SMUG1: variants seen among roughly 807,000 people sequenced by gnomAD.
SMUG1 encodes single-strand-selective monofunctional uracil-DNA glycosylase 1.
In SMUG1, 13 loss-of-function variants were observed where a neutral mutation model predicts 23.9. That is an observed-to-expected ratio of 0.54 (90% confidence interval 0.35 to 0.86). SMUG1 has a LOEUF of 0.86. Ranked by LOEUF, SMUG1 falls within the 40% of genes least tolerant of loss-of-function variation. The pLI is 0.01. For missense variants in SMUG1, 313 were observed against 339.5 expected (o/e 0.92, Z 0.61); for synonymous variants, 133 against 139.8 (o/e 0.95, Z 0.34).
intron 1 of SMUG1, among the ~76,000 whole-genome samples, chr12:54,188,295 AAAT>A (rs757369651): frequency 0.067 from 4,618 of 68,734 alleles, 88 homozygotes; most frequent in South Asian, 0.1. Context: ...TAATAATAAT[AAAT>A]AATAATAATA....
At chr12:54,185,328 G>A (rs1942081362) in intron 2 of SMUG1, among the ~76,000 whole-genome samples, 2 of 151,116 alleles carry the variant, frequency 1.3e-5, no homozygotes, top group Non-Finnish European at 3.0e-5. Flanking sequence ...TTAGCTGGGC[G>A]TTGTGGTGGG....
Position 54,181,762 on chromosome 12 carries a change from C to T in SMUG1, c.*334G>A, listed in dbSNP as rs3136392. Reference sequence around the variant, plus strand: ...ACCTTAGAAGTTACTGTCTAGGGCACTCTCAGCTGAATAAAGTCTCCCAAG... The same window carrying T: ...ACCTTAGAAGTTACTGTCTAGGGCATTCTCAGCTGAATAAAGTCTCCCAAG... On this transcript the variant is annotated 3_prime_UTR_variant, in exon 4 of 4. Transcript: ENST00000682136. 9,437 of 1,452,408 alleles carry T rather than the reference C, an allele frequency of 6.5e-3. 539 individuals carry two copies. The African/African-American group carries it at 0.12, about 18-fold the overall frequency. The allele number at this position is 1,452,408 out of a possible 1,614,324, so 90.0% of individuals were successfully genotyped here.
At chr12:54,188,739 C>CGCTGGCTCCG (rs1271129115) in intron 1 of SMUG1, 2 of 152,260 alleles carry the variant, frequency 1.3e-5, no homozygotes, top group Non-Finnish European at 2.9e-5. Flanking sequence ...CGGGGGCGCC[C>CGCTGGCTCCG]GCTGGCTCCG....
chr12:54,183,141 C>G (rs188522214), intron 3 of SMUG1: 1 of 192,814 alleles, frequency 5.2e-6, no homozygotes, highest in East Asian at 1.3e-4. Context: ...CCCCACCTGC[C>G]AAGCACCCCC....
Position 54,181,743 on chromosome 12 carries a change from G to C in SMUG1, c.*353C>G. ...CTCTGAAATAGTAAACGTGACCTTA[G>C]AAGTTACTGTCTAGGGCACTCTCAG... On this transcript the variant is annotated 3_prime_UTR_variant, in exon 4 of 4. Coordinates refer to ENST00000682136, the MANE Select transcript of SMUG1 (RefSeq NM_001243787.2). 6.7e-7 allele frequency: 1 copy of C among 1,501,404 alleles called. No homozygotes were observed. The highest frequency in any genetic ancestry group is 8.9e-7 in the Non-Finnish European group (1 of 1,128,358). 93.0% of individuals were successfully genotyped at this position (1,501,404 alleles called of 1,614,324 possible).
chr12:54,181,799 G>T lies in SMUG1; in HGVS notation c.*297C>A, dbSNP rs1941131406. 4 of 1,431,552 alleles carry T rather than the reference G, an allele frequency of 2.8e-6. No individual in the cohort carries two copies. The highest frequency in any genetic ancestry group is 2.7e-6 in the Non-Finnish European group (3 of 1,098,172). The allele number at this position is 1,431,552 out of a possible 1,614,324, so 88.7% of individuals were successfully genotyped here. A position where few individuals can be genotyped will look rare whatever the true frequency, so the allele number is the denominator to read the frequency against. ...TAAAGTCTCCCAAGGAAACACTGAGGTAGAGCAGTCTGCAAGTGCAAAAGC... is the reference window on the plus strand; with the variant it reads ...TAAAGTCTCCCAAGGAAACACTGAGTTAGAGCAGTCTGCAAGTGCAAAAGC... On this transcript the variant is annotated 3_prime_UTR_variant, in exon 4 of 4. Transcript: ENST00000682136.
downstream of SMUG1, among the ~76,000 whole-genome samples, chr12:54,160,181 AAG>A (rs1940201106): frequency 6.6e-6 from 1 of 152,256 alleles, no homozygotes; most frequent in Non-Finnish European, 1.5e-5. Flanking sequence ...GGAAAGAAGA[AAG>A]AGAAAAGAGG....
downstream of SMUG1, among the ~76,000 whole-genome samples, chr12:54,176,031 G>A (rs1233819641): frequency 6.6e-6 from 1 of 151,208 alleles, no homozygotes; most frequent in Non-Finnish European, 1.5e-5. Context: ...GTTCAAGACC[G>A]GCCTGACCAA....
chr12:54,181,811 G>A lies in SMUG1; in HGVS notation c.*285C>T. 7.0e-7 allele frequency: 1 copy of A among 1,426,702 alleles called. No individual in the cohort carries two copies. The highest frequency in any genetic ancestry group is 1.6e-5 in the South Asian group (1 of 63,738). The allele number at this position is 1,426,702 out of a possible 1,614,324, so 88.4% of individuals were successfully genotyped here. A position where few individuals can be genotyped will look rare whatever the true frequency, so the allele number is the denominator to read the frequency against. On this transcript the variant is annotated 3_prime_UTR_variant, in exon 4 of 4. Coordinates refer to ENST00000682136, the MANE Select transcript of SMUG1 (RefSeq NM_001243787.2). Reference sequence around the variant, plus strand: ...AGGAAACACTGAGGTAGAGCAGTCTGCAAGTGCAAAAGCACACCTTCTGCA... The same window carrying A: ...AGGAAACACTGAGGTAGAGCAGTCTACAAGTGCAAAAGCACACCTTCTGCA...
chr12:54,181,942 T>C lies in SMUG1; in HGVS notation c.*154A>G. 6.8e-7 allele frequency: 1 copy of C among 1,479,582 alleles called. No individual in the cohort carries two copies. The allele number at this position is 1,479,582 out of a possible 1,614,324, so 91.7% of individuals were successfully genotyped here. ...TAGTGTCAAAACTGCCATGGCAGGT[T>C]GGAAGACAGTTCAACAGATCAAAGA... is the stretch of plus-strand genomic sequence containing the variant. On this transcript the variant is annotated 3_prime_UTR_variant, in exon 4 of 4. Transcript: ENST00000682136.
chr12:54,176,941 TTG>T (rs1311769736), downstream of SMUG1, among the ~76,000 whole-genome samples: 2 of 152,154 alleles, frequency 1.3e-5, no homozygotes, highest in Non-Finnish European at 2.9e-5. Flanking sequence ...CAAGTTGAGT[TTG>T]TGTGTTTTGG....
At chr12:54,187,938 C>T (rs1260671712) in intron 1 of SMUG1, 36 bp from the exon 2 acceptor site, 2 of 152,136 alleles carry the variant, frequency 1.3e-5, no homozygotes, top group African/African-American at 2.4e-5. Context: ...AACTGTAATA[C>T]AGTGTGATGT....
At chr12:54,159,590 T>C (rs1940175822) in intron 4 of SMUG1, among the ~76,000 whole-genome samples, 1 of 152,170 alleles carries the variant, frequency 6.6e-6, no homozygotes, top group South Asian at 2.1e-4. Flanking sequence ...GGGCCCCTCA[T>C]ATTCATTTTT....
downstream of SMUG1, among the ~76,000 whole-genome samples, chr12:54,176,761 C>T (rs1164458808): frequency 6.0e-5 from 9 of 150,534 alleles, no homozygotes; most frequent in Admixed American, 4.0e-4. Context: ...GAGCCGAGAT[C>T]GCGCCACTGC....
chr12:54,160,564 C>T (rs1339531794), downstream of SMUG1, among the ~76,000 whole-genome samples: 7 of 152,154 alleles, frequency 4.6e-5, no homozygotes, highest in East Asian at 1.9e-4. Context: ...CCAGGAGGGT[C>T]GTAGGAGGAG....
chr12:54,162,891 G>T (rs1346896456), downstream of SMUG1: 1 of 152,220 alleles, frequency 6.6e-6, no homozygotes, highest in Non-Finnish European at 1.5e-5. Flanking sequence ...TTTGCCCAGG[G>T]ATTTATAGTA....
intron 3 of SMUG1, among the ~76,000 whole-genome samples, chr12:54,168,826 A>G (rs943332545): frequency 1.3e-5 from 2 of 152,198 alleles, no homozygotes; most frequent in African/African-American, 4.8e-5. Flanking sequence ...CAATCCAAAG[A>G]CAGAGAATCA....
intron 3 of SMUG1, chr12:54,182,852 G>T: frequency 2.7e-6 from 2 of 748,714 alleles, no homozygotes; most frequent in Non-Finnish European, 4.1e-6. Flanking sequence ...TTTCCCTCTA[G>T]CCCAACTAGC....
chr12:54,160,882 G>A (rs1016333952), downstream of SMUG1, among the ~76,000 whole-genome samples: 1 of 152,218 alleles, frequency 6.6e-6, no homozygotes, highest in Non-Finnish European at 1.5e-5. Flanking sequence ...GCTGCCTTGT[G>A]CTTTTTCAAC....
Sources: allele counts gnomAD v4.1 joint callset (sites outside exome capture counted in the v4.1 genomes callset), GRCh38; gene constraint gnomAD v4.1.1; transcripts MANE v1.5; gene names NCBI Gene and HGNC (gene_info 2026-07-23, HGNC 2026-07-21).